CDC45: variants seen among roughly 807,000 people sequenced by gnomAD.
CDC45 encodes the protein cell division cycle 45.
A neutral mutation model predicts 77.8 loss-of-function variants in CDC45; 54 were observed. The ratio of observed to expected loss-of-function variants is 0.69; its 90% confidence interval spans 0.56 to 0.87. CDC45 has a LOEUF of 0.87. CDC45 is among the 40% of genes least tolerant of loss of function. The probability of loss-of-function intolerance (pLI) is 0.00; values close to 1 mark genes in which losing one functional copy is unlikely to be tolerated. For synonymous variants in CDC45, 260 were observed against 272.1 expected (o/e 0.96, Z 0.44); for missense variants, 649 against 721.6 (o/e 0.90, Z 1.15).
intron 13 of CDC45, among the ~76,000 whole-genome samples, chr22:19,510,149 A>G (rs1482761250): frequency 2.0e-5 from 3 of 152,032 alleles, no homozygotes; most frequent in African/African-American, 4.8e-5. Context: ...TTTTGTAAAG[A>G]TGTATCACTA....
At chr22:19,515,154 G>A (rs1171886731) in intron 15 of CDC45, 106 bp downstream of exon 15, 3 of 980,636 alleles carry the variant, frequency 3.1e-6, no homozygotes, top group Non-Finnish European at 3.0e-6. Flanking sequence ...CTGTTGACCA[G>A]CTGCAAGGTC....
At chr22:19,509,324 T>G (rs1008286830) in intron 13 of CDC45, among the ~76,000 whole-genome samples, 1 of 152,240 alleles carries the variant, frequency 6.6e-6, no homozygotes, top group Non-Finnish European at 1.5e-5. Flanking sequence ...TCACGAAAGC[T>G]AGCTTGGAAA....
intron 12 of CDC45, 76 bp downstream of exon 12, chr22:19,507,940 C>T: frequency 9.9e-7 from 1 of 1,014,394 alleles, no homozygotes; most frequent in East Asian, 2.5e-5. Context: ...TTTAACTGTG[C>T]TCCTAAAATA....
chr22:19,505,192 T>C lies in CDC45; in HGVS notation c.705-170T>C, dbSNP rs13447250. ...CCCGCTCCATCCAATCATGTTTTCC[T>C]GGGTGCTTGGTTTCTATGCAGGCTG... is the stretch of plus-strand genomic sequence containing the variant. On this transcript the variant is annotated intron_variant, in intron 9 of 18. Transcript: ENST00000263201. The C allele has an allele frequency of 7.5e-3, 5,186 of 694,144 alleles. 198 individuals are homozygous for C. In the East Asian group the frequency reaches 0.1, roughly 14 times the overall value. 43.0% of individuals were successfully genotyped at this position (694,144 alleles called of 1,614,324 possible).
chr22:19,487,249 G>A (rs1006525908), intron 5 of CDC45, among the ~76,000 whole-genome samples: 11 of 142,802 alleles, frequency 7.7e-5, no homozygotes, highest in Non-Finnish European at 1.0e-4. Flanking sequence ...CCAAGATCAC[G>A]CCACTGCACT....
intron 15 of CDC45, 140 bp from the exon 16 acceptor site, chr22:19,516,387 T>G: frequency 1.4e-6 from 1 of 711,704 alleles, no homozygotes; most frequent in Non-Finnish European, 2.5e-6. Flanking sequence ...GGTGGCTGGG[T>G]GGGGACCAAG....
At chr22:19,510,556 A>T (rs897382568) in intron 13 of CDC45, among the ~76,000 whole-genome samples, 3 of 152,112 alleles carry the variant, frequency 2.0e-5, no homozygotes, top group Admixed American at 1.3e-4. Context: ...CCTGAGACAG[A>T]GTCTCACTCT....
At chr22:19,501,059 AG>A (rs1932885039) in intron 9 of CDC45, among the ~76,000 whole-genome samples, 1 of 152,156 alleles carries the variant, frequency 6.6e-6, no homozygotes. Context: ...CCTGTACTGT[AG>A]TCCCAGCTAC....
chr22:19,501,338 G>T (rs888127184), intron 9 of CDC45, among the ~76,000 whole-genome samples: 6 of 152,164 alleles, frequency 3.9e-5, no homozygotes, highest in Non-Finnish European at 8.8e-5. Flanking sequence ...ATGGGCTGTT[G>T]CTGGTGCCCT....
At chr22:19,510,642 C>T (rs896336080) in intron 13 of CDC45, among the ~76,000 whole-genome samples, 3 of 152,126 alleles carry the variant, frequency 2.0e-5, no homozygotes, top group African/African-American at 7.2e-5. Context: ...AATTCTCCTG[C>T]CTCAGCCTAC....
chr22:19,488,494 A>T (rs2090107139), intron 5 of CDC45, among the ~76,000 whole-genome samples: 1 of 152,252 alleles, frequency 6.6e-6, no homozygotes, highest in African/African-American at 2.4e-5. Flanking sequence ...TCAGGCTTCC[A>T]GCATGAATAT....
At chr22:19,486,584 G>C (rs191062210) in intron 5 of CDC45, among the ~76,000 whole-genome samples, 117 of 152,266 alleles carry the variant, frequency 7.7e-4, no homozygotes, top group African/African-American at 2.1e-3. Context: ...ATTAGGTCTA[G>C]AGCGTTGATT....
intron 6 of CDC45, among the ~76,000 whole-genome samples, chr22:19,494,759 C>T (rs1241432133): frequency 1.3e-5 from 2 of 152,166 alleles, no homozygotes; most frequent in Admixed American, 1.3e-4. Flanking sequence ...GCAGCAGCGC[C>T]CTTGAGGTGG....
chr22:19,488,185 A>G (rs1157173439), intron 5 of CDC45, among the ~76,000 whole-genome samples: 2 of 152,222 alleles, frequency 1.3e-5, no homozygotes, highest in Non-Finnish European at 2.9e-5. Context: ...AAATAAGGAG[A>G]ATAACTAGAC....
Position 19,508,668 on chromosome 22 carries a change from C to A in CDC45, c.1194C>A (p.Ile398=). The A allele has an allele frequency of 6.2e-7, 1 of 1,614,200 alleles. No individual in the cohort carries two copies. The highest frequency in any genetic ancestry group is 1.1e-5 in the South Asian group (1 of 91,076). Residue 398 remains isoleucine (I), a synonymous_variant, in exon 13 of 19, where the codon ATC becomes ATA. Transcript: ENST00000263201. ...EKDGSGTDHF[I]QALDSLSRSN... Reference sequence around the variant, plus strand: ...ATGGCTCAGGGACAGATCACTTCATCCAGGCTCTGGACAGCCTCTCCAGGT... The same window carrying A: ...ATGGCTCAGGGACAGATCACTTCATACAGGCTCTGGACAGCCTCTCCAGGT...
chr22:19,494,629 G>A, intron 6 of CDC45: 2 of 1,406,762 alleles, frequency 1.4e-6, no homozygotes, highest in Non-Finnish European at 1.9e-6. Flanking sequence ...AGAGACCATG[G>A]CCCTGGCTCT....
At chr22:19,496,260 C>T (rs909872586) in intron 7 of CDC45, among the ~76,000 whole-genome samples, 6 of 152,158 alleles carry the variant, frequency 3.9e-5, no homozygotes, top group South Asian at 4.1e-4. Context: ...TTAAAATGGT[C>T]GTTTGCACCC....
chr22:19,517,445 G>A (rs1933862928), intron 17 of CDC45, among the ~76,000 whole-genome samples: 2 of 152,232 alleles, frequency 1.3e-5, no homozygotes, highest in African/African-American at 4.8e-5. Flanking sequence ...CACGGAACAT[G>A]GTTCACATTC....
In CDC45 at chr22:19,516,375, G is replaced by C. The variant is rs1933787891; in HGVS notation, c.1441-152G>C. On this transcript the variant is annotated intron_variant, in intron 15 of 18. Coordinates refer to ENST00000263201, the MANE Select transcript of CDC45 (RefSeq NM_003504.5). ...GACACTGGCCTTGGGCATCTAACTTGGGGTGGCTGGGTGGGGACCAAGGCG... is the reference window on the plus strand; with the variant it reads ...GACACTGGCCTTGGGCATCTAACTTCGGGTGGCTGGGTGGGGACCAAGGCG... 31 of 690,204 alleles carry C rather than the reference G, an allele frequency of 4.5e-5. 2 individuals carry two copies. The South Asian group carries it at 4.8e-4, about 11-fold the overall frequency. The allele number at this position is 690,204 out of a possible 1,614,324, so 42.8% of individuals were successfully genotyped here.
Sources: gnomAD v4.1 joint callset for allele counts (sites outside exome capture counted in the v4.1 genomes callset) on GRCh38, gnomAD v4.1.1 for gene constraint, MANE v1.5 for transcripts, NCBI Gene and HGNC (gene_info 2026-07-23, HGNC 2026-07-21) for gene names.